Variants in PDIA5 observed in about 807,000 individuals in gnomAD.
PDIA5 encodes protein disulfide-isomerase A5.
PDIA5 carries 58 observed loss-of-function variants against 77.6 expected under a neutral mutation model. The ratio of observed to expected loss-of-function variants is 0.75; its 90% CI spans 0.61 to 0.93. The LOEUF is 0.93. Ranked by LOEUF, PDIA5 falls within the 40% of genes least tolerant of loss-of-function variation. PDIA5 has a pLI of 0.00. For missense variants in PDIA5, 630 were observed against 647.7 expected, an observed-to-expected ratio of 0.97 and a Z score of 0.30; for synonymous variants, 250 against 252.1, an observed-to-expected ratio of 0.99 and a Z score of 0.08.
intron 1 of PDIA5, among the ~76,000 whole-genome samples, chr3:123,069,410 A>C (rs1304691680): frequency 6.6e-6 from 1 of 152,224 alleles, no homozygotes; most frequent in Non-Finnish European, 1.5e-5. Flanking sequence ...ATGGTTAAAT[A>C]ATATCTGGCC....
chr3:123,152,437 G>A (rs1935935212), intron 14 of PDIA5, among the ~76,000 whole-genome samples: 3 of 152,114 alleles, frequency 2.0e-5, no homozygotes, highest in African/African-American at 7.2e-5. Context: ...TTGCCCCAGG[G>A]ACATACATCT....
intron 3 of PDIA5, among the ~76,000 whole-genome samples, chr3:123,096,883 G>A (rs1934457015): frequency 1.3e-5 from 2 of 152,232 alleles, no homozygotes; most frequent in African/African-American, 4.8e-5. Context: ...GAGTGCTGCT[G>A]TCTGGGAAGC....
Position 123,130,627 on chromosome 3 carries a change from C to T in PDIA5, c.910+11C>T, listed in dbSNP as rs878956054. On this transcript the variant is annotated intron_variant, in intron 11 of 16. Transcript: ENST00000316218. ...TGTTCCACGCCCCATGTGAGTGGAA[C>T]TTTGCTCCTCCCCCTCCACACCCTC... 6.2e-7 allele frequency: 1 copy of T among 1,613,804 alleles called. No homozygotes were observed. Among genetic ancestry groups the T allele is most frequent in the South Asian group, 1.1e-5 (1 of 91,060 alleles).
At chr3:123,108,254 G>A (rs1424234704) in intron 6 of PDIA5, among the ~76,000 whole-genome samples, 3 of 151,306 alleles carry the variant, frequency 2.0e-5, no homozygotes, top group African/African-American at 7.3e-5. Context: ...GGGATACAAA[G>A]AGCCAGTATT....
intron 1 of PDIA5, among the ~76,000 whole-genome samples, chr3:123,084,357 C>A (rs1934081756): frequency 6.6e-6 from 1 of 152,092 alleles, no homozygotes; most frequent in South Asian, 2.1e-4. Flanking sequence ...ACTTCACAGC[C>A]TTTGGCCCTG....
chr3:123,105,981 T>C (rs1934719992), intron 5 of PDIA5, among the ~76,000 whole-genome samples: 1 of 152,218 alleles, frequency 6.6e-6, no homozygotes, highest in South Asian at 2.1e-4. Context: ...TCCCTGCCCC[T>C]GTGCATCTTC....
intron 11 of PDIA5, 63 bp downstream of exon 11, chr3:123,130,679 G>T: frequency 6.4e-7 from 1 of 1,572,346 alleles, no homozygotes; most frequent in Admixed American, 1.7e-5. Flanking sequence ...GATGAGTGTG[G>T]CGCTTTGCAA....
In PDIA5 at chr3:123,145,523, G is replaced by C; in HGVS notation, c.912G>C (p.Trp304Cys). The part of the protein sequence containing the change: ...SSVLVMFHAP[W>C]CGHCKKMKPE... ...GTTTCTCTTGATCTCTCCCCACAGG[G>C]TGTGGCCACTGTAAGAAAATGAAGC... is the stretch of plus-strand genomic sequence containing the variant. The change falls in exon 12 of 17, where the codon TGG becomes TGC. Residue 304 changes from tryptophan to cysteine, a missense_variant and splice_region_variant. Trp to Cys is a radical substitution (Grantham distance 215, BLOSUM62 -2). Transcript: ENST00000316218. 3 of 1,613,626 alleles carry C rather than the reference G, an allele frequency of 1.9e-6. No homozygotes were observed. Among genetic ancestry groups the C allele is most frequent in the Non-Finnish European group, 1.7e-6 (2 of 1,179,498 alleles).
At chr3:123,103,772 T>C (rs1419322155) in intron 5 of PDIA5, among the ~76,000 whole-genome samples, 1 of 152,240 alleles carries the variant, frequency 6.6e-6, no homozygotes, top group Non-Finnish European at 1.5e-5. Context: ...CTTAGACACT[T>C]AGAAAGTTCT....
chr3:123,096,351 T>A (rs992901859), intron 3 of PDIA5, among the ~76,000 whole-genome samples: 1 of 151,914 alleles, frequency 6.6e-6, no homozygotes, highest in Non-Finnish European at 1.5e-5. Flanking sequence ...CACGCTCAGC[T>A]AAGTTTTGTA....
intron 11 of PDIA5, among the ~76,000 whole-genome samples, chr3:123,134,948 C>T (rs751131410): frequency 1.3e-5 from 2 of 152,162 alleles, no homozygotes; most frequent in African/African-American, 2.4e-5. Flanking sequence ...CTTGGCTTCC[C>T]GTTTGTAGCA....
chr3:123,161,013 C>A (rs13089777), intron 15 of PDIA5, among the ~76,000 whole-genome samples: 18 of 152,146 alleles, frequency 1.2e-4, no homozygotes, highest in Admixed American at 2.6e-4. Context: ...CACCACAGAA[C>A]CTGTGGTGTT....
Position 123,106,676 on chromosome 3 carries a change from C to A in PDIA5, c.388-73C>A, listed in dbSNP as rs1183500006. The A allele has an allele frequency of 5.7e-6, 6 of 1,052,736 alleles. No individual in the cohort carries two copies. The East Asian group carries it at 1.2e-4, about 21-fold the overall frequency. 65.2% of individuals were successfully genotyped at this position (1,052,736 alleles called of 1,614,324 possible). A position where few individuals can be genotyped will look rare whatever the true frequency, so the allele number is the denominator to read the frequency against. ...CAGGTCTCCAGGCAGGGAAAGAGGA[C>A]AGGTTCCTGATTCCCCCACCTCCCT... On this transcript the variant is annotated intron_variant, in intron 5 of 16. Transcript: ENST00000316218.
At chr3:123,161,619 T>A (rs1222195793) in intron 16 of PDIA5, 164 bp downstream of exon 16, 3 of 759,304 alleles carry the variant, frequency 4.0e-6, no homozygotes, top group Non-Finnish European at 6.3e-6. Context: ...GGCTTGACAT[T>A]GTTGGAGGAG....
chr3:123,155,022 C>T lies in PDIA5; in HGVS notation c.1325C>T (p.Ala442Val), dbSNP rs765928614. The part of the protein sequence containing the change: ...VIPHFTATAD[A>V]FKDDRKIACA... ...CCGCACTTTACTGCTACTGCTGATG[C>T]CTTCAAAGATGACCGAAAGGTAAGG... The change falls in exon 15 of 17, where the codon GCC becomes GTC. Residue 442 changes from alanine (A) to valine (V), a missense_variant. Physicochemically the swap from Ala to Val is moderately conservative, Grantham distance 64. Transcript: ENST00000316218. 6.2e-7 allele frequency: 1 copy of T among 1,611,116 alleles called. No individual in the cohort carries two copies. Among genetic ancestry groups the T allele is most frequent in the Admixed American group, 1.7e-5 (1 of 60,032 alleles).
intron 6 of PDIA5, among the ~76,000 whole-genome samples, chr3:123,109,612 C>CT (rs1222164987): frequency 6.6e-6 from 1 of 151,586 alleles, no homozygotes. Flanking sequence ...AAAATTTAAT[C>CT]TTTTTTTTAA....
At chr3:123,102,870 T>C in intron 5 of PDIA5, 74 bp downstream of exon 5, 2 of 981,342 alleles carry the variant, frequency 2.0e-6, no homozygotes, top group South Asian at 2.6e-5. Context: ...GTTTTCTCTC[T>C]GAGAAAAGAA....
rs370673179 is a variant in PDIA5, at chr3:123,102,386, G to A, written c.258-25G>A. On this transcript the variant is annotated intron_variant, in intron 3 of 16. Transcript: ENST00000316218. The stretch of plus-strand genomic sequence containing the variant: ...TTTGTGAGGACTTCAGGTAATAAAT[G>A]GTTCCCAACATTTGTGTCTTCCAGT... The A allele has an allele frequency of 7.7e-5, 122 of 1,587,140 alleles. No individual in the cohort carries two copies. In the African/African-American group the frequency reaches 1.5e-3, roughly 19 times the overall value.
At chr3:123,155,462 G>T (rs1208640165) in intron 15 of PDIA5, among the ~76,000 whole-genome samples, 1 of 152,232 alleles carries the variant, frequency 6.6e-6, no homozygotes, top group Non-Finnish European at 1.5e-5. Flanking sequence ...TAAGTGAAAG[G>T]CTCCTGCAGC....
Sources: allele counts gnomAD v4.1 joint callset (sites outside exome capture counted in the v4.1 genomes callset), GRCh38; gene constraint gnomAD v4.1.1; transcripts MANE v1.5; gene names NCBI Gene and HGNC (gene_info 2026-07-23, HGNC 2026-07-21).